Variants in HECW1 observed in about 807,000 individuals in gnomAD.
HECW1 encodes the protein HECT, C2 and WW domain containing E3 ubiquitin protein ligase 1, also known as E3 ubiquitin-protein ligase HECW1.
Under a neutral mutation model 182.3 loss-of-function variants are expected in HECW1, and 61 were observed. That is an observed-to-expected ratio of 0.33 (90% CI 0.27 to 0.41). The LOEUF (loss-of-function observed/expected upper bound fraction) is 0.41, where lower values mean the gene tolerates loss of function less well. Among genes scored for constraint, HECW1 ranks in the 10% least tolerant of loss-of-function variants. The probability of loss-of-function intolerance (pLI) is 1.00; values close to 1 mark genes in which losing one functional copy is unlikely to be tolerated. For missense variants in HECW1, 1,739 were observed against 2,108.9 expected, an observed-to-expected ratio of 0.82 and a Z score of 3.44; for synonymous variants, 859 against 832.6, an observed-to-expected ratio of 1.03 and a Z score of -0.55.
chr7:43,502,671 CA>C (rs2152925147), intron 21 of HECW1, among the ~76,000 whole-genome samples: 1 of 151,836 alleles, frequency 6.6e-6, no homozygotes, highest in South Asian at 2.1e-4. Context: ...AAAAAACAAA[CA>C]AACGAAAAAA....
At chr7:43,453,716 T>C (rs2077309392) in intron 12 of HECW1, among the ~76,000 whole-genome samples, 2 of 152,236 alleles carry the variant, frequency 1.3e-5, no homozygotes, top group South Asian at 4.1e-4. Context: ...TAGTGTGCAA[T>C]AGATCCTTTG....
intron 24 of HECW1, among the ~76,000 whole-genome samples, chr7:43,519,406 C>T (rs1236880402): frequency 9.9e-5 from 15 of 152,092 alleles, no homozygotes; most frequent in Admixed American, 7.9e-4. Context: ...CTATCACACC[C>T]GGCTAATTTT....
chr7:43,397,262 A>G (rs1219231860), intron 7 of HECW1, among the ~76,000 whole-genome samples: 1 of 152,230 alleles, frequency 6.6e-6, no homozygotes, highest in Non-Finnish European at 1.5e-5. Flanking sequence ...CACAACTGGC[A>G]AAACAGATAA....
chr7:43,153,236 T>G (rs1472080600), intron 2 of HECW1, among the ~76,000 whole-genome samples: 2 of 152,188 alleles, frequency 1.3e-5, no homozygotes, highest in Non-Finnish European at 2.9e-5. Context: ...TCATTGTCAT[T>G]ATTTCTTGAA....
chr7:43,334,187 G>A lies in HECW1; in HGVS notation c.460+13445G>A, dbSNP rs865784932. ...TGTGTGTGCCTTCCTGAGTACTTTCGCAGCTTCTGTGCATCTTATCTACCC... is the reference window on the plus strand; with the variant it reads ...TGTGTGTGCCTTCCTGAGTACTTTCACAGCTTCTGTGCATCTTATCTACCC... On this transcript the variant is annotated intron_variant, in intron 5 of 29. Coordinates refer to ENST00000395891, the MANE Select transcript of HECW1 (RefSeq NM_015052.5). 6.6e-5 allele frequency among the ~76,000 whole-genome samples: 10 copies of A among 152,216 alleles called. No individual in the cohort carries two copies. In the South Asian group the frequency reaches 8.3e-4, roughly 13 times the overall value.
At chr7:43,421,846 A>G (rs2076193867) in intron 8 of HECW1, among the ~76,000 whole-genome samples, 1 of 152,206 alleles carries the variant, frequency 6.6e-6, no homozygotes, top group Non-Finnish European at 1.5e-5. Flanking sequence ...GGCAGGGAGC[A>G]AGGACATCAG....
chr7:43,279,239 T>C (rs1218188936), intron 3 of HECW1, among the ~76,000 whole-genome samples: 1 of 152,246 alleles, frequency 6.6e-6, no homozygotes, highest in African/African-American at 2.4e-5. Flanking sequence ...TTTATTTTTA[T>C]GAACTAATTT....
chr7:43,280,959 C>T (rs141500502), intron 3 of HECW1, among the ~76,000 whole-genome samples: 20 of 152,250 alleles, frequency 1.3e-4, no homozygotes, highest in Admixed American at 3.9e-4. Flanking sequence ...ATTCCCGACA[C>T]AGTATTCTCT....
chr7:43,498,674 T>C (rs946487995), intron 19 of HECW1, among the ~76,000 whole-genome samples: 1 of 152,154 alleles, frequency 6.6e-6, no homozygotes, highest in Admixed American at 6.5e-5. Context: ...GCTCCCTTTT[T>C]CAACCCAGTC....
At chr7:43,262,380 A>C (rs1801278985) in intron 3 of HECW1, among the ~76,000 whole-genome samples, 1 of 152,152 alleles carries the variant, frequency 6.6e-6, no homozygotes, top group South Asian at 2.1e-4. Context: ...CTAATTTAAC[A>C]TTCACAGCAG....
intron 22 of HECW1, 120 bp from the exon 23 acceptor site, chr7:43,507,898 T>C: frequency 1.5e-6 from 1 of 650,470 alleles, no homozygotes; most frequent in Non-Finnish European, 2.8e-6. Flanking sequence ...GTCCTGCTCT[T>C]TCCTCTCTCT....
intron 5 of HECW1, among the ~76,000 whole-genome samples, chr7:43,357,322 C>G (rs781144469): frequency 6.6e-6 from 1 of 152,108 alleles, no homozygotes; most frequent in African/African-American, 2.4e-5. Flanking sequence ...TGGAATCAAT[C>G]TAAGTACCCA....
chr7:43,232,304 A>T (rs906885234), intron 2 of HECW1, among the ~76,000 whole-genome samples: 1 of 152,222 alleles, frequency 6.6e-6, no homozygotes, highest in African/African-American at 2.4e-5. Flanking sequence ...AAGTAGGTCA[A>T]TTTAGGGAAA....
chr7:43,219,181 A>T (rs1398099914), intron 2 of HECW1, among the ~76,000 whole-genome samples: 1 of 152,132 alleles, frequency 6.6e-6, no homozygotes, highest in African/African-American at 2.4e-5. Context: ...TGCCAGGCAC[A>T]TGTAGGGGCA....
intron 8 of HECW1, among the ~76,000 whole-genome samples, chr7:43,414,416 C>T (rs1341398557): frequency 7.1e-6 from 1 of 141,566 alleles, no homozygotes. Context: ...GACAATTTGA[C>T]TTCCTCTTTT....
At chr7:43,209,516 A>G (rs1207621029) in intron 2 of HECW1, among the ~76,000 whole-genome samples, 4 of 152,252 alleles carry the variant, frequency 2.6e-5, no homozygotes, top group Admixed American at 2.6e-4. Context: ...TCAAATTTAC[A>G]AGAGAGCTTC....
intron 2 of HECW1, among the ~76,000 whole-genome samples, chr7:43,142,839 G>A (rs1788309518): frequency 6.6e-6 from 1 of 152,152 alleles, no homozygotes; most frequent in Non-Finnish European, 1.5e-5. Flanking sequence ...TCTGTGGGAT[G>A]GAGCACAGGG....
chr7:43,320,956 C>T (rs963806878), intron 5 of HECW1, among the ~76,000 whole-genome samples: 1 of 152,164 alleles, frequency 6.6e-6, no homozygotes, highest in African/African-American at 2.4e-5. Context: ...CAGAGGGCTG[C>T]CCCTTTAATA....
intron 9 of HECW1, chr7:43,439,159 A>G (rs2076800167): frequency 6.6e-6 from 1 of 152,212 alleles, no homozygotes; most frequent in African/African-American, 2.4e-5. Context: ...AGTGTACATA[A>G]AGAACCTAGC....
Sources: allele counts gnomAD v4.1 joint callset (sites outside exome capture counted in the v4.1 genomes callset), GRCh38; gene constraint gnomAD v4.1.1; transcripts MANE v1.5; gene names NCBI Gene and HGNC (gene_info 2026-07-23, HGNC 2026-07-21).